KCNIP4: variants seen among roughly 807,000 people sequenced by gnomAD.
KCNIP4 encodes Kv channel-interacting protein 4.
In KCNIP4, 12 loss-of-function variants were observed where a neutral mutation model predicts 34.0. The ratio of observed to expected loss-of-function variants is 0.35; its 90% confidence interval spans 0.23 to 0.57. KCNIP4 has a LOEUF of 0.57. Ranked by LOEUF, KCNIP4 falls within the 20% of genes least tolerant of loss-of-function variation. The pLI is 0.83. For synonymous variants in KCNIP4, 124 were observed against 102.2 expected (o/e 1.21, Z -1.29); for missense variants, 238 against 311.7 (o/e 0.76, Z 1.78).
chr4:21,415,035 A>C (rs1256230016), intron 1 of KCNIP4, among the ~76,000 whole-genome samples: 2 of 152,066 alleles, frequency 1.3e-5, no homozygotes, highest in Non-Finnish European at 2.9e-5. Flanking sequence ...TGTGCTATCA[A>C]ATGCTAGATC....
intron 3 of KCNIP4, among the ~76,000 whole-genome samples, chr4:20,820,605 T>C (rs776116632): frequency 6.6e-6 from 1 of 152,132 alleles, no homozygotes; most frequent in Non-Finnish European, 1.5e-5. Flanking sequence ...AAGATTAGTG[T>C]GGATAGAAGG....
intron 1 of KCNIP4, among the ~76,000 whole-genome samples, chr4:21,021,233 T>C (rs1344900269): frequency 6.6e-6 from 1 of 152,120 alleles, no homozygotes; most frequent in Non-Finnish European, 1.5e-5. Flanking sequence ...AGTCCAAAAA[T>C]AATACACCTG....
At chr4:21,592,518 C>T (rs915800741) in intron 1 of KCNIP4, among the ~76,000 whole-genome samples, 1 of 152,072 alleles carries the variant, frequency 6.6e-6, no homozygotes, top group Admixed American at 6.6e-5. Context: ...TTGATCATCA[C>T]TATTATGCAC....
intron 1 of KCNIP4, among the ~76,000 whole-genome samples, chr4:21,023,219 G>A (rs561535360): frequency 4.1e-4 from 63 of 152,220 alleles, no homozygotes; most frequent in African/African-American, 1.5e-3. Flanking sequence ...AGACCTAAAT[G>A]AAATCATGCT....
chr4:21,430,635 T>A (rs1726360747), intron 1 of KCNIP4, among the ~76,000 whole-genome samples: 1 of 152,154 alleles, frequency 6.6e-6, no homozygotes, highest in Admixed American at 6.5e-5. Flanking sequence ...GTATGTCAAC[T>A]GTTCTTCCTT....
chr4:21,023,872 ACT>A (rs945252932), intron 1 of KCNIP4, among the ~76,000 whole-genome samples: 3 of 151,680 alleles, frequency 2.0e-5, no homozygotes, highest in African/African-American at 7.3e-5. Flanking sequence ...ACCGAGTGAG[ACT>A]CTGTCTGAAA....
chr4:21,430,919 A>C (rs1726386145), intron 1 of KCNIP4, among the ~76,000 whole-genome samples: 1 of 151,164 alleles, frequency 6.6e-6, no homozygotes, highest in African/African-American at 2.4e-5. Context: ...AAATCCAAAG[A>C]CTTTCCAAAA....
chr4:21,302,620 C>T (rs1479403094), intron 1 of KCNIP4, among the ~76,000 whole-genome samples: 1 of 152,120 alleles, frequency 6.6e-6, no homozygotes, highest in African/African-American at 2.4e-5. Context: ...CAGATATTTC[C>T]ATCAGAGAGG....
intron 1 of KCNIP4, among the ~76,000 whole-genome samples, chr4:21,191,517 A>T (rs1437221498): frequency 1.3e-5 from 2 of 152,136 alleles, no homozygotes; most frequent in African/African-American, 4.8e-5. Flanking sequence ...GTATGTCAGG[A>T]TGATGCGCCC....
intron 1 of KCNIP4, among the ~76,000 whole-genome samples, chr4:21,674,161 T>C (rs1207159396): frequency 6.6e-6 from 1 of 152,198 alleles, no homozygotes; most frequent in Admixed American, 6.5e-5. Flanking sequence ...CTTTGCTATA[T>C]GTATTGAATT....
intron 1 of KCNIP4, among the ~76,000 whole-genome samples, chr4:21,042,488 T>C (rs781483930): frequency 2.0e-5 from 3 of 152,026 alleles, no homozygotes; most frequent in Non-Finnish European, 4.4e-5. Context: ...GTTGCTTTCA[T>C]AGAAGTAGAG....
chr4:21,892,320 T>C (rs1200005698), intron 1 of KCNIP4, among the ~76,000 whole-genome samples: 8 of 130,916 alleles, frequency 6.1e-5, no homozygotes, highest in Admixed American at 2.2e-4. Context: ...TTTATCCAAA[T>C]ACAAAAAAAA....
chr4:21,337,301 C>A (rs1209818015), intron 1 of KCNIP4, among the ~76,000 whole-genome samples: 1 of 152,134 alleles, frequency 6.6e-6, no homozygotes, highest in Non-Finnish European at 1.5e-5. Context: ...GGAATCAAAT[C>A]TGCAAATAAG....
chr4:20,939,870 G>A (rs1236864495), intron 1 of KCNIP4, among the ~76,000 whole-genome samples: 2 of 152,164 alleles, frequency 1.3e-5, no homozygotes, highest in African/African-American at 2.4e-5. Flanking sequence ...TTCATCCAAA[G>A]ACCAGTATCC....
chr4:20,758,674 TA>T, intron 4 of KCNIP4, 146 bp downstream of exon 4: 1 of 630,200 alleles, frequency 1.6e-6, no homozygotes, highest in Non-Finnish European at 2.7e-6. Flanking sequence ...TATGGTACAT[TA>T]AAAATTATAT....
chr4:21,260,777 T>C (rs1433531641), intron 1 of KCNIP4, among the ~76,000 whole-genome samples: 1 of 152,192 alleles, frequency 6.6e-6, no homozygotes, highest in Non-Finnish European at 1.5e-5. Flanking sequence ...TGGAATATTT[T>C]TGTCATTCCA....
At chr4:21,746,858 T>C (rs969398304) in intron 1 of KCNIP4, among the ~76,000 whole-genome samples, 1 of 152,160 alleles carries the variant, frequency 6.6e-6, no homozygotes, top group Non-Finnish European at 1.5e-5. Context: ...TTAAAAAGAT[T>C]CACAGAATAA....
chr4:21,180,668 T>C (rs1754773782), intron 1 of KCNIP4, among the ~76,000 whole-genome samples: 1 of 151,192 alleles, frequency 6.6e-6, no homozygotes, highest in South Asian at 2.1e-4. Context: ...TATGTGTGTG[T>C]GTGTGTGTAT....
chr4:21,919,028 G>A (rs963755230), intron 1 of KCNIP4, among the ~76,000 whole-genome samples: 1 of 152,096 alleles, frequency 6.6e-6, no homozygotes, highest in African/African-American at 2.4e-5. Context: ...CAGAACAAGA[G>A]GCCAAAGGGG....
Sources: gnomAD v4.1 joint callset for allele counts (sites outside exome capture counted in the v4.1 genomes callset) on GRCh38, gnomAD v4.1.1 for gene constraint, MANE v1.5 for transcripts, NCBI Gene and HGNC (gene_info 2026-07-23, HGNC 2026-07-21) for gene names.